Variants in CDK19 observed in about 807,000 individuals in gnomAD.
CDK19 encodes cyclin-dependent kinase 19.
In CDK19, 20 loss-of-function variants were observed where a neutral mutation model predicts 68.3. The ratio of observed to expected loss-of-function variants is 0.29; its 90% CI spans 0.21 to 0.43. The LOEUF is 0.43. CDK19 is among the 20% of genes least tolerant of loss of function. The probability of loss-of-function intolerance (pLI) is 1.00; values close to 1 mark genes in which losing one functional copy is unlikely to be tolerated. For synonymous variants in CDK19, 221 were observed against 222.8 expected (o/e 0.99, Z 0.07); for missense variants, 339 against 623.5 (o/e 0.54, Z 4.86).
intron 1 of CDK19, among the ~76,000 whole-genome samples, chr6:110,758,522 C>G (rs1185217904): frequency 6.6e-6 from 1 of 152,146 alleles, no homozygotes; most frequent in African/African-American, 2.4e-5. Context: ...TGTATATTCT[C>G]TAGGAGCTAA....
intron 2 of CDK19, among the ~76,000 whole-genome samples, chr6:110,718,835 A>G (rs1775607390): frequency 6.6e-6 from 1 of 152,180 alleles, no homozygotes; most frequent in South Asian, 2.1e-4. Flanking sequence ...GTCAATCCAA[A>G]TAAGCCCTGA....
At chr6:110,678,130 G>A (rs1173637927) in intron 2 of CDK19, among the ~76,000 whole-genome samples, 1 of 152,080 alleles carries the variant, frequency 6.6e-6, no homozygotes, top group African/African-American at 2.4e-5. Context: ...TTCCAGGTGT[G>A]AGCCACCACA....
rs573983601 is a variant in CDK19 at position 110,801,732 on chromosome 6, C to T, written c.128+13277G>A. On this transcript the variant is annotated intron_variant, in intron 1 of 12. Transcript: ENST00000368911. ...TTCGCAGTGTTAGCCAGGATGGTCT[C>T]GATCTCCTGACCTCGTGATCCACCT... Among the ~76,000 whole-genome samples, 6 of 152,234 alleles carry T rather than the reference C, an allele frequency of 3.9e-5. No individual in the cohort carries two copies. In the South Asian group the frequency reaches 6.2e-4, roughly 16 times the overall value.
chr6:110,694,571 A>G (rs1773316178), intron 2 of CDK19, among the ~76,000 whole-genome samples: 1 of 152,220 alleles, frequency 6.6e-6, no homozygotes, highest in South Asian at 2.1e-4. Context: ...GGGGGACCTC[A>G]ATACTCCACT....
intron 4 of CDK19, among the ~76,000 whole-genome samples, chr6:110,651,344 G>A (rs1462478479): frequency 6.6e-6 from 1 of 152,018 alleles, no homozygotes; most frequent in Non-Finnish European, 1.5e-5. Flanking sequence ...GATTTGAAGA[G>A]ACTATCACTT....
chr6:110,645,846 C>T, intron 4 of CDK19: 1 of 638,606 alleles, frequency 1.6e-6, no homozygotes, highest in East Asian at 3.4e-5. Context: ...GCGCTTCCTC[C>T]TGACCTTCGA....
At chr6:110,629,677 A>G (rs186397847) in intron 6 of CDK19, among the ~76,000 whole-genome samples, 1 of 152,166 alleles carries the variant, frequency 6.6e-6, no homozygotes, top group Non-Finnish European at 1.5e-5. Context: ...TCTAACATGG[A>G]CCATGTATGG....
At chr6:110,703,346 A>C (rs1228217127) in intron 2 of CDK19, among the ~76,000 whole-genome samples, 2 of 152,094 alleles carry the variant, frequency 1.3e-5, no homozygotes, top group Non-Finnish European at 2.9e-5. Context: ...GAAATATATT[A>C]ATTATGTTAT....
intron 4 of CDK19, among the ~76,000 whole-genome samples, chr6:110,664,553 G>C (rs1781804521): frequency 6.6e-6 from 1 of 152,174 alleles, no homozygotes; most frequent in Non-Finnish European, 1.5e-5. Flanking sequence ...ATTAAGGATA[G>C]TGTATTCAAA....
rs553381927 is a variant in CDK19, at chr6:110,719,681, GCTA to G, written c.204+26442_204+26444del. Among the ~76,000 whole-genome samples the G allele has an allele frequency of 2.0e-3, 309 of 152,242 alleles. 2 individuals are homozygous for G. Among genetic ancestry groups the G allele is most frequent in the African/African-American group, 7.3e-3 (304 of 41,548 alleles). ...AAAAACCTATTTCAATTAGAAAGCT[GCTA>G]CTGTTTCTCTTAAATAAAGAGTTAG... On this transcript the variant is annotated intron_variant, in intron 2 of 12. Transcript: ENST00000368911.
intron 1 of CDK19, among the ~76,000 whole-genome samples, chr6:110,788,275 GC>G (rs961304298): frequency 1.3e-5 from 2 of 152,086 alleles, no homozygotes; most frequent in African/African-American, 4.8e-5. Context: ...TGACCCTCCT[GC>G]CTCAGCTTCT....
chr6:110,787,406 A>G (rs1005520712), intron 1 of CDK19, among the ~76,000 whole-genome samples: 3 of 151,996 alleles, frequency 2.0e-5, no homozygotes, highest in Admixed American at 2.0e-4. Flanking sequence ...CTATTCAGGC[A>G]GATATCCTTT....
intron 12 of CDK19, among the ~76,000 whole-genome samples, chr6:110,618,072 T>A (rs1000642305): frequency 5.9e-5 from 9 of 152,032 alleles, no homozygotes; most frequent in Admixed American, 5.2e-4. Context: ...TTCATGAATA[T>A]TCCACCCTTT....
chr6:110,627,501 A>C (rs1235080654), intron 6 of CDK19, among the ~76,000 whole-genome samples: 1 of 152,152 alleles, frequency 6.6e-6, no homozygotes, highest in Non-Finnish European at 1.5e-5. Context: ...AGATTTAGGC[A>C]AAGGTCTTTC....
Position 110,621,578 on chromosome 6 carries a change from C to G in CDK19, c.1111-208G>C, listed in dbSNP as rs1562127174. ...CGCTGAGCCCCAAACAGGACTCTTT[C>G]CCTGAAGTTCATTTAGACTGCACAG... On this transcript the variant is annotated intron_variant, in intron 11 of 12. Transcript: ENST00000368911. This position sits in a 1 kb window ranked among gnomAD's most constrained non-coding sequence, Gnocchi z 5.4. Among the ~76,000 whole-genome samples the G allele has an allele frequency of 6.6e-6, 1 of 152,170 alleles. No individual in the cohort carries two copies. Among genetic ancestry groups the G allele is most frequent in the Non-Finnish European group, 1.5e-5 (1 of 68,038 alleles).
intron 4 of CDK19, among the ~76,000 whole-genome samples, chr6:110,659,299 AC>A (rs2114341340): frequency 6.6e-6 from 1 of 152,372 alleles, no homozygotes; most frequent in South Asian, 2.1e-4. Flanking sequence ...AGAAAGATGA[AC>A]AGTACAGCAT....
In CDK19 at chr6:110,754,178, G is replaced by C. The variant is rs562918657; in HGVS notation, c.129-7977C>G. Among the ~76,000 whole-genome samples, 4 of 149,460 alleles carry C rather than the reference G, an allele frequency of 2.7e-5. No homozygotes were observed. The East Asian group carries it at 8.1e-4, about 30-fold the overall frequency. The stretch of plus-strand genomic sequence containing the variant: ...CCAAGTAGCTGGGATTACAGGCACA[G>C]GTCATCACACCCAGCTAATTATTTA... On this transcript the variant is annotated intron_variant, in intron 1 of 12. Coordinates refer to ENST00000368911, the MANE Select transcript of CDK19 (RefSeq NM_015076.5).
chr6:110,709,286 C>T (rs929903739), intron 2 of CDK19, among the ~76,000 whole-genome samples: 2 of 152,100 alleles, frequency 1.3e-5, no homozygotes, highest in South Asian at 2.1e-4. Context: ...TCTCTCATCA[C>T]TCCTGTTCAA....
At chr6:110,725,410 T>C (rs1776247782) in intron 2 of CDK19, among the ~76,000 whole-genome samples, 1 of 152,118 alleles carries the variant, frequency 6.6e-6, no homozygotes, top group African/African-American at 2.4e-5. Context: ...ATGACTCAAA[T>C]GTTGAGATGA....
Sources: gnomAD v4.1 joint callset for allele counts (sites outside exome capture counted in the v4.1 genomes callset) on GRCh38, gnomAD v4.1.1 for gene constraint, Gnocchi (gnomAD v3.1) non-coding constraint, MANE v1.5 for transcripts, NCBI Gene and HGNC (gene_info 2026-07-23, HGNC 2026-07-21) for gene names.